Variants in SNX25 observed in about 807,000 individuals in gnomAD.
The protein encoded by SNX25 is sorting nexin 25.
Under a neutral mutation model 113.7 loss-of-function variants are expected in SNX25, and 62 were observed. The ratio of observed to expected loss-of-function variants is 0.55; its 90% CI spans 0.44 to 0.67. The LOEUF is 0.67. Ranked by LOEUF, SNX25 falls within the 30% of genes least tolerant of loss-of-function variation. The pLI, the probability that SNX25 is intolerant of heterozygous loss-of-function variation, is 0.00. For synonymous variants in SNX25, 421 were observed against 436.2 expected (o/e 0.97, Z 0.43); for missense variants, 1,014 against 1,161.0 (o/e 0.87, Z 1.84).
intron 6 of SNX25, among the ~76,000 whole-genome samples, chr4:185,306,458 T>C (rs1157547974): frequency 6.6e-6 from 1 of 152,228 alleles, no homozygotes; most frequent in East Asian, 1.9e-4. Context: ...AGCTGGGTTT[T>C]AGGGAAGGGT....
chr4:185,252,790 G>T (rs997859338), intron 2 of SNX25, among the ~76,000 whole-genome samples: 1 of 152,160 alleles, frequency 6.6e-6, no homozygotes, highest in Non-Finnish European at 1.5e-5. Context: ...AGTCAAAAAT[G>T]CAGAGCAAAA....
intron 10 of SNX25, among the ~76,000 whole-genome samples, chr4:185,333,184 T>C (rs1269207774): frequency 6.6e-6 from 1 of 152,270 alleles, no homozygotes; most frequent in East Asian, 1.9e-4. Context: ...AAGCAGCAAT[T>C]TGAAAGTTTA....
At chr4:185,249,180 T>G (rs1377290181) in intron 2 of SNX25, among the ~76,000 whole-genome samples, 1 of 152,230 alleles carries the variant, frequency 6.6e-6, no homozygotes, top group African/African-American at 2.4e-5. Flanking sequence ...TGCTGAGCCA[T>G]AGGATAGTTG....
At chr4:185,241,751 AG>A (rs1744091993) in intron 1 of SNX25, among the ~76,000 whole-genome samples, 1 of 152,298 alleles carries the variant, frequency 6.6e-6, no homozygotes, top group African/African-American at 2.4e-5. Context: ...CCTTTGTGAC[AG>A]TGGGCAAAGT....
At chr4:185,348,596 C>G (rs1249010258) in intron 13 of SNX25, among the ~76,000 whole-genome samples, 3 of 152,058 alleles carry the variant, frequency 2.0e-5, no homozygotes, top group Admixed American at 6.6e-5. Flanking sequence ...GGGGTTTCAT[C>G]ATGTTGGACA....
intron 2 of SNX25, among the ~76,000 whole-genome samples, chr4:185,258,348 C>T (rs894754600): frequency 1.3e-5 from 2 of 152,164 alleles, no homozygotes; most frequent in South Asian, 2.1e-4. Flanking sequence ...GAAGAACACA[C>T]GGGAACTGGG....
downstream of SNX25, chr4:185,367,303 C>CTTTT: frequency 3.6e-6 from 4 of 1,105,340 alleles, no homozygotes; most frequent in Non-Finnish European, 3.8e-6. Context: ...GGTCTTTCTT[C>CTTTT]TTTTTTTTTT....
Position 185,339,388 on chromosome 4 carries a change from A to G in SNX25, c.1924A>G (p.Lys642Glu), listed in dbSNP as rs1490994919. The change falls in exon 11 of 19, where the codon AAG becomes GAG. Residue 642 changes from lysine to glutamate, a missense_variant. By Grantham distance (56) the Lys-to-Glu change is moderately conservative. Coordinates refer to ENST00000652585, the MANE Select transcript of SNX25 (RefSeq NM_001378034.2). The part of the protein sequence containing the change: ...APKPDKKIVS[K>E]LKDEIILIEK... ...ATTTTCCCTGTGGCAGATTGTTTCCAAGTTGAAGGATGAAATAATCCTAAT... is the reference window on the plus strand; with the variant it reads ...ATTTTCCCTGTGGCAGATTGTTTCCGAGTTGAAGGATGAAATAATCCTAAT... 3 of 1,613,814 alleles carry G rather than the reference A, an allele frequency of 1.9e-6. No homozygotes were observed. The highest frequency in any genetic ancestry group is 2.5e-6 in the Non-Finnish European group (3 of 1,179,822).
intron 5 of SNX25, among the ~76,000 whole-genome samples, chr4:185,270,847 G>A (rs1383105340): frequency 6.6e-6 from 1 of 152,166 alleles, no homozygotes; most frequent in African/African-American, 2.4e-5. Context: ...ATTGTATAAT[G>A]TATCAGTGCC....
downstream of SNX25, chr4:185,364,424 CCT>C: frequency 6.6e-6 from 1 of 152,064 alleles, no homozygotes; most frequent in East Asian, 1.9e-4. Flanking sequence ...AATACCTTCC[CCT>C]GTCTAATCCC....
intron 13 of SNX25, among the ~76,000 whole-genome samples, chr4:185,348,654 C>G (rs889866894): frequency 6.6e-6 from 1 of 152,184 alleles, no homozygotes; most frequent in Non-Finnish European, 1.5e-5. Flanking sequence ...GCCTCGGCCT[C>G]CCAGAGTGCT....
intron 5 of SNX25, among the ~76,000 whole-genome samples, chr4:185,287,311 C>T (rs1751477885): frequency 6.6e-6 from 1 of 152,120 alleles, no homozygotes; most frequent in Non-Finnish European, 1.5e-5. Context: ...TCTCCGTGTG[C>T]CTTAGAATTG....
At chr4:185,315,039 T>A (rs2095061078) in intron 7 of SNX25, among the ~76,000 whole-genome samples, 1 of 150,570 alleles carries the variant, frequency 6.6e-6, no homozygotes, top group Non-Finnish European at 1.5e-5. Context: ...CCATCCTGGC[T>A]AACACAGTGA....
chr4:185,348,399 A>C (rs1053156077), intron 13 of SNX25, among the ~76,000 whole-genome samples: 1 of 149,148 alleles, frequency 6.7e-6, no homozygotes, highest in Non-Finnish European at 1.5e-5. Context: ...TCATTTCTTT[A>C]TTTTTTTTTT....
chr4:185,222,313 C>T (rs1190653031), intron 1 of SNX25, among the ~76,000 whole-genome samples: 2 of 151,132 alleles, frequency 1.3e-5, no homozygotes, highest in Non-Finnish European at 2.9e-5. Flanking sequence ...ACTCCTCGTT[C>T]ACTGTAGGTA....
chr4:185,307,585 A>C (rs1754634142), intron 6 of SNX25, among the ~76,000 whole-genome samples: 2 of 152,088 alleles, frequency 1.3e-5, no homozygotes, highest in Admixed American at 1.3e-4. Flanking sequence ...ACTTGGACAA[A>C]ACTGAATCCA....
chr4:185,341,230 T>A (rs1308936016), intron 11 of SNX25, among the ~76,000 whole-genome samples: 4 of 152,222 alleles, frequency 2.6e-5, no homozygotes, highest in Admixed American at 2.6e-4. Context: ...TGTGCACGCA[T>A]GCACACATAC....
At chr4:185,304,608 C>A (rs1378586476) in intron 6 of SNX25, among the ~76,000 whole-genome samples, 2 of 152,138 alleles carry the variant, frequency 1.3e-5, no homozygotes, top group African/African-American at 4.8e-5. Flanking sequence ...CTGCCTGCCC[C>A]AGCCTCCCAA....
intron 1 of SNX25, among the ~76,000 whole-genome samples, chr4:185,239,553 A>T (rs1743303455): frequency 6.6e-6 from 1 of 152,102 alleles, no homozygotes; most frequent in African/African-American, 2.4e-5. Flanking sequence ...TGTTCTTAAA[A>T]TTTTCTCTCT....
Sources: allele counts gnomAD v4.1 joint callset (sites outside exome capture counted in the v4.1 genomes callset), GRCh38; gene constraint gnomAD v4.1.1; transcripts MANE v1.5; gene names NCBI Gene and HGNC (gene_info 2026-07-23, HGNC 2026-07-21).